Variants in SLC7A6 observed in about 807,000 individuals in gnomAD.
The protein encoded by SLC7A6 is solute carrier family 7 member 6, also known as Y+L amino acid transporter 2.
In SLC7A6, 29 loss-of-function variants were observed where a neutral mutation model predicts 46.6. That is an observed-to-expected ratio of 0.62 (90% CI 0.46 to 0.85). The LOEUF is 0.85. Ranked by LOEUF, SLC7A6 falls within the 40% of genes least tolerant of loss-of-function variation. The pLI is 0.00. For missense variants in SLC7A6, 527 were observed against 647.6 expected, an observed-to-expected ratio of 0.81 and a Z score of 2.02; for synonymous variants, 276 against 257.3, an observed-to-expected ratio of 1.07 and a Z score of -0.70.
Position 68,300,808 on chromosome 16 carries a change from T to A in SLC7A6, c.*3480T>A, listed in dbSNP as rs1461989288. On this transcript the variant is annotated 3_prime_UTR_variant, in exon 11 of 11. Transcript: ENST00000219343. ...CCCTAATGGCCATTACTATCCAGTC[T>A]GTATTGCTACAAGGGACCCACTGGT... The A allele has an allele frequency of 3.0e-6, 3 of 985,772 alleles. No individual in the cohort carries two copies. Among genetic ancestry groups the A allele is most frequent in the Non-Finnish European group, 3.6e-6 (3 of 830,294 alleles). 61.1% of individuals were successfully genotyped at this position (985,772 alleles called of 1,614,324 possible).
In SLC7A6 at chr16:68,296,522, C is replaced by T. The variant is rs2043170117; in HGVS notation, c.1269+9C>T. On this transcript the variant is annotated intron_variant, in intron 9 of 10. Coordinates refer to ENST00000219343, the MANE Select transcript of SLC7A6 (RefSeq NM_003983.6). ...GGCCCCGGCCTCTCAAGGTCAGCAG[C>T]TCTGGCCAGACTAGGAGGGGTGGGC... The T allele has an allele frequency of 1.2e-6, 2 of 1,614,092 alleles. No homozygotes were observed. The highest frequency in any genetic ancestry group is 1.7e-5 in the Admixed American group (1 of 60,006).
chr16:68,273,311 G>A (rs2042652923), intron 2 of SLC7A6, among the ~76,000 whole-genome samples: 1 of 152,164 alleles, frequency 6.6e-6, no homozygotes, highest in Non-Finnish European at 1.5e-5. Context: ...GAAAGATGAT[G>A]TGCTTGCCGA....
At chr16:68,275,510 G>C (rs1394413342) in intron 3 of SLC7A6, among the ~76,000 whole-genome samples, 1 of 147,924 alleles carries the variant, frequency 6.8e-6, no homozygotes, top group African/African-American at 2.5e-5. Context: ...CAGGAGAATT[G>C]CTTGAACCCA....
chr16:68,270,411 A>C (rs1479647675), intron 2 of SLC7A6, among the ~76,000 whole-genome samples: 3 of 151,088 alleles, frequency 2.0e-5, no homozygotes, highest in African/African-American at 7.3e-5. Context: ...CCAGGGGTTT[A>C]TGGTTTTTAT....
chr16:68,290,916 T>A, intron 5 of SLC7A6: 2 of 484,962 alleles, frequency 4.1e-6, no homozygotes. Context: ...CCCAGGACAC[T>A]GTTCCTTGCA....
Position 68,274,917 on chromosome 16 carries a change from T to C in SLC7A6, c.191T>C (p.Phe64Ser). The C allele has an allele frequency of 6.2e-7, 1 of 1,614,162 alleles. No individual in the cohort carries two copies. The highest frequency in any genetic ancestry group is 8.5e-7 in the Non-Finnish European group (1 of 1,180,012). The stretch of plus-strand genomic sequence containing the variant: ...GGCAACATGATCGGCTCAGGGATCT[T>C]TGTCTCACCCAAGGGTGTGCTGGTA... ...VVGNMIGSGI[F>S]VSPKGVLVHT... The change falls in exon 3 of 11, where the codon TTT becomes TCT. Residue 64 changes from phenylalanine to serine, a missense_variant. By Grantham distance (155) the Phe-to-Ser change is radical. Coordinates refer to ENST00000219343, the MANE Select transcript of SLC7A6 (RefSeq NM_003983.6).
At position 68,300,741 on chromosome 16, in the gene SLC7A6, T is replaced by C. The variant is rs781514809; in HGVS notation, c.*3413T>C. 7.1e-6 allele frequency: 7 copies of C among 985,446 alleles called. No individual in the cohort carries two copies. Among genetic ancestry groups the C allele is most frequent in the Non-Finnish European group, 8.4e-6 (7 of 829,950 alleles). The allele number at this position is 985,446 out of a possible 1,614,324, so 61.0% of individuals were successfully genotyped here. A position where few individuals can be genotyped will look rare whatever the true frequency, so the allele number is the denominator to read the frequency against. On this transcript the variant is annotated 3_prime_UTR_variant, in exon 11 of 11. Transcript: ENST00000219343. The stretch of plus-strand genomic sequence containing the variant: ...CGTTATCAGAGTTTGGAAGCAGAAA[T>C]AGCTGTTAACTAAAATCTCCCACTG...
chr16:68,301,017 T>A lies in SLC7A6; in HGVS notation c.*3689T>A. ...GAAGCTAAAGCTAAAGAAACCTTCCTTTTTTCAACGTTTTTTTTTCTTTCA... is the reference window on the plus strand; with the variant it reads ...GAAGCTAAAGCTAAAGAAACCTTCCATTTTTCAACGTTTTTTTTTCTTTCA... On this transcript the variant is annotated 3_prime_UTR_variant, in exon 11 of 11. Transcript: ENST00000219343. 8.8e-7 allele frequency: 1 copy of A among 1,133,542 alleles called. No individual in the cohort carries two copies. Among genetic ancestry groups the A allele is most frequent in the Non-Finnish European group, 1.1e-6 (1 of 926,298 alleles). 70.2% of individuals were successfully genotyped at this position (1,133,542 alleles called of 1,614,324 possible). A position where few individuals can be genotyped will look rare whatever the true frequency, so the allele number is the denominator to read the frequency against.
At chr16:68,274,578 A>C (rs966016040) in intron 2 of SLC7A6, 113 bp from the exon 3 acceptor site, 2 of 824,408 alleles carry the variant, frequency 2.4e-6, no homozygotes, top group Admixed American at 5.1e-5. Context: ...TATTGTAGTT[A>C]GGGCTGTGTG....
chr16:68,290,419 G>A lies in SLC7A6; in HGVS notation c.673G>A (p.Ala225Thr), dbSNP rs368252496. The stretch of plus-strand genomic sequence containing the variant: ...AGGACACTCTGAGCACTTTCAGGAC[G>A]CCTTTGAGGGTTCCTCCTGGGACAT... Reference protein sequence around the residue: ...CQGHSEHFQDAFEGSSWDMGN... With the variant: ...CQGHSEHFQDTFEGSSWDMGN... Residue 225 changes from alanine (A) to threonine (T), a missense_variant, in exon 5 of 11, where the codon GCC (alanine) becomes ACC (threonine). By Grantham distance (58) the Ala-to-Thr change is moderately conservative. Coordinates refer to ENST00000219343, the MANE Select transcript of SLC7A6 (RefSeq NM_003983.6). 4.8e-5 allele frequency: 78 copies of A among 1,613,926 alleles called. No homozygotes were observed. Among genetic ancestry groups the A allele is most frequent in the East Asian group, 8.9e-5 (4 of 44,898 alleles).
Position 68,297,888 on chromosome 16 carries a change from G to C in SLC7A6, c.*560G>C, listed in dbSNP as rs138083849. ...AGCATGCGTGTCTCTTCATCTACAG[G>C]ATGCAATAGGCTGATTGTATTTAAA... is the stretch of plus-strand genomic sequence containing the variant. On this transcript the variant is annotated 3_prime_UTR_variant, in exon 11 of 11. Transcript: ENST00000219343. 6.5e-6 allele frequency: 1 copy of C among 152,784 alleles called. No homozygotes were observed. Among genetic ancestry groups the C allele is most frequent in the Non-Finnish European group, 1.5e-5 (1 of 68,086 alleles). 9.5% of individuals were successfully genotyped at this position (152,784 alleles called of 1,614,324 possible).
chr16:68,301,027 GTTT>G lies in SLC7A6; in HGVS notation c.*3706_*3708del, dbSNP rs904540749. 6.1e-6 allele frequency: 7 copies of G among 1,145,430 alleles called. 1 individual carries two copies. The South Asian group carries it at 2.1e-4, about 34-fold the overall frequency. 71.0% of individuals were successfully genotyped at this position (1,145,430 alleles called of 1,614,324 possible). A position where few individuals can be genotyped will look rare whatever the true frequency, so the allele number is the denominator to read the frequency against. On this transcript the variant is annotated 3_prime_UTR_variant, in exon 11 of 11. Coordinates refer to ENST00000219343, the MANE Select transcript of SLC7A6 (RefSeq NM_003983.6). ...CTAAAGAAACCTTCCTTTTTTCAAC[GTTT>G]TTTTTTCTTTCAAACTGTAGGGTCA... is the stretch of plus-strand genomic sequence containing the variant.
At chr16:68,283,632 G>T (rs970588194) in intron 3 of SLC7A6, among the ~76,000 whole-genome samples, 1 of 152,128 alleles carries the variant, frequency 6.6e-6, no homozygotes, top group African/African-American at 2.4e-5. Context: ...CTGCCACAGA[G>T]ACTTTGGGGA....
chr16:68,283,690 C>T lies in SLC7A6; in HGVS notation c.524-4056C>T, dbSNP rs142514400. On this transcript the variant is annotated intron_variant, in intron 3 of 10. Coordinates refer to ENST00000219343, the MANE Select transcript of SLC7A6 (RefSeq NM_003983.6). Reference sequence around the variant, plus strand: ...GTTTGGATCTGCCATTTGAGTACTCCTTTCTCAGCAATAAGCTCCCAGAGA... The same window carrying T: ...GTTTGGATCTGCCATTTGAGTACTCTTTTCTCAGCAATAAGCTCCCAGAGA... 2.0e-5 allele frequency among the ~76,000 whole-genome samples: 3 copies of T among 152,326 alleles called. No homozygotes were observed. In the East Asian group the frequency reaches 5.8e-4, roughly 29 times the overall value.
intron 2 of SLC7A6, among the ~76,000 whole-genome samples, chr16:68,274,065 T>G (rs2042667359): frequency 6.6e-6 from 1 of 152,174 alleles, no homozygotes; most frequent in East Asian, 1.9e-4. Context: ...CAGCCAGGTG[T>G]GTATTTTAAT....
rs1042688711 is a variant in SLC7A6, at chr16:68,300,800, A to G, written c.*3472A>G. 1.0e-6 allele frequency: 1 copy of G among 985,562 alleles called. No individual in the cohort carries two copies. Among genetic ancestry groups the G allele is most frequent in the African/African-American group, 1.7e-5 (1 of 57,234 alleles). The allele number at this position is 985,562 out of a possible 1,614,324, so 61.1% of individuals were successfully genotyped here. A position where few individuals can be genotyped will look rare whatever the true frequency, so the allele number is the denominator to read the frequency against. ...ACTTTCTGCCCTAATGGCCATTACT[A>G]TCCAGTCTGTATTGCTACAAGGGAC... is the stretch of plus-strand genomic sequence containing the variant. On this transcript the variant is annotated 3_prime_UTR_variant, in exon 11 of 11. Coordinates refer to ENST00000219343, the MANE Select transcript of SLC7A6 (RefSeq NM_003983.6).
At chr16:68,291,181 G>A (rs941361924) in intron 5 of SLC7A6, 28 bp from the exon 6 acceptor site, 2 of 1,614,146 alleles carry the variant, frequency 1.2e-6, no homozygotes, top group Admixed American at 3.3e-5. Context: ...GTTGGTTCTA[G>A]GTAGTCCTTT....
At chr16:68,290,089 A>G in intron 4 of SLC7A6, 1 of 278,528 alleles carries the variant, frequency 3.6e-6, no homozygotes, top group Non-Finnish European at 6.7e-6. Flanking sequence ...GCGGCCAAGA[A>G]TGTCTTTGGT....
intron 3 of SLC7A6, among the ~76,000 whole-genome samples, chr16:68,286,756 C>T (rs570812261): frequency 5.0e-4 from 76 of 152,090 alleles, no homozygotes; most frequent in Non-Finnish European, 6.3e-4. Flanking sequence ...AGGGAGTACT[C>T]GAGTGGGTGC....
Sources: allele counts gnomAD v4.1 joint callset (sites outside exome capture counted in the v4.1 genomes callset), GRCh38; gene constraint gnomAD v4.1.1; transcripts MANE v1.5; gene names NCBI Gene and HGNC (gene_info 2026-07-23, HGNC 2026-07-21).